The following TUBA1A variants were observed in gnomAD, a reference collection of about 807,000 sequenced individuals.
TUBA1A encodes tubulin alpha-1A chain.
In TUBA1A, 7 loss-of-function variants were observed where a neutral mutation model predicts 34.6. That is an observed-to-expected ratio of 0.20 (90% CI 0.11 to 0.38). TUBA1A has a LOEUF of 0.38. Among genes scored for constraint, TUBA1A ranks in the 10% least tolerant of loss-of-function variants. The pLI, the probability that TUBA1A is intolerant of heterozygous loss-of-function variation, is 1.00. For missense variants in TUBA1A, 19 were observed against 581.3 expected, an observed-to-expected ratio of 0.03 and a Z score of 9.95; for synonymous variants, 193 against 210.2, an observed-to-expected ratio of 0.92 and a Z score of 0.71.
Position 49,185,109 on chromosome 12 carries a change from T to G in TUBA1A, c.1257A>C (p.Ser419=). 1 of 1,614,218 alleles carries G rather than the reference T, an allele frequency of 6.2e-7. No individual in the cohort carries two copies. Residue 419 remains serine, a synonymous_variant, in exon 4 of 4, where the codon TCA becomes TCC. Coordinates refer to ENST00000301071, the MANE Select transcript of TUBA1A (RefSeq NM_006009.4). ...GGGCAGCCATGTCCTCACGGGCCTCTGAAAACTCACCTTCCTCCATCCCCT... is the reference window on the plus strand; with the variant it reads ...GGGCAGCCATGTCCTCACGGGCCTCGGAAAACTCACCTTCCTCCATCCCCT... ...VGEGMEEGEF[S]EAREDMAALE...
chr12:49,185,838 C>T lies in TUBA1A; in HGVS notation c.528G>A (p.Gln176=). Residue 176 remains glutamine, a synonymous_variant, in exon 4 of 4, where the codon CAG becomes CAA. Transcript: ENST00000301071. ...KLEFSIYPAP[Q]VSTAVVEPYN... is the part of the protein sequence containing the mutation. ...AGGGCTCAACTACAGCTGTGGAAAC[C>T]TGGGGCGCCGGGTAAATAGAGAACT... is the stretch of plus-strand genomic sequence containing the variant. The T allele has an allele frequency of 1.9e-6, 3 of 1,613,848 alleles. No individual in the cohort carries two copies. The highest frequency in any genetic ancestry group is 2.5e-6 in the Non-Finnish European group (3 of 1,180,006).
At position 49,186,555 on chromosome 12, in the gene TUBA1A, C is replaced by T. The variant is rs1942183923; in HGVS notation, c.226+56G>A. 2 of 1,612,594 alleles carry T rather than the reference C, an allele frequency of 1.2e-6. No homozygotes were observed. Among genetic ancestry groups the T allele is most frequent in the Non-Finnish European group, 8.5e-7 (1 of 1,178,770 alleles). On this transcript the variant is annotated intron_variant, in intron 2 of 3. Transcript: ENST00000301071. This position sits in a 1 kb window ranked among gnomAD's most constrained non-coding sequence, Gnocchi z 6.6. ...GAGTGACCAGCGGAGCCCCCCAGGA[C>T]AGACCTCCTGTCCCAGCACCCTGGG...
chr12:49,187,416 G>C (rs1942194318), intron 1 of TUBA1A: 1 of 989,278 alleles, frequency 1.0e-6, no homozygotes, highest in Non-Finnish European at 1.2e-6. Flanking sequence ...TTATTTAACA[G>C]AGCAAGCTCT....
chr12:49,186,373 G>C lies in TUBA1A; in HGVS notation c.312C>G (p.Ala104=), dbSNP rs747966442. 1 of 1,613,858 alleles carries C rather than the reference G, an allele frequency of 6.2e-7. No individual in the cohort carries two copies. The change falls in exon 3 of 4, where the codon GCC becomes GCG. Residue 104 remains alanine (A), a synonymous_variant. Transcript: ENST00000301071. This position sits in a 1 kb window ranked among gnomAD's most constrained non-coding sequence, Gnocchi z 6.6. ...CCTTGCCAATGGTGTAGTGCCCTCG[G>C]GCATAGTTATTGGCAGCATCTTCTT... is the stretch of plus-strand genomic sequence containing the variant. The part of the protein sequence containing the change: ...TGKEDAANNY[A]RGHYTIGKEI...
In TUBA1A at chr12:49,185,347, G is replaced by C; in HGVS notation, c.1019C>G (p.Thr340Ser). Residue 340 changes from threonine to serine, a missense_variant, in exon 4 of 4, where the codon ACC (threonine) becomes AGC (serine). Thr to Ser is a moderately conservative substitution (Grantham distance 58). This residue lies in a region of TUBA1A where 14 missense variants were observed against 565.0 expected (regional missense o/e 0.02). Transcript: ENST00000301071. ...GGGGCACCAATCCACAAACTGGATG[G>C]TACGCTTGGTCTTGATGGTGGCAAT... ...AAIATIKTKRTIQFVDWCPTG... is the reference protein window; with the variant it reads ...AAIATIKTKRSIQFVDWCPTG... 1 of 1,614,200 alleles carries C rather than the reference G, an allele frequency of 6.2e-7. No homozygotes were observed. Among genetic ancestry groups the C allele is most frequent in the Non-Finnish European group, 8.5e-7 (1 of 1,180,040 alleles).
intron 1 of TUBA1A, chr12:49,187,908 G>A (rs1166198829): frequency 8.1e-6 from 8 of 983,244 alleles, no homozygotes; most frequent in African/African-American, 5.3e-5. Context: ...TGGTGGGGGC[G>A]GGGCGGGGGG....
chr12:49,187,388 C>T (rs1942193878), intron 1 of TUBA1A: 1 of 1,005,170 alleles, frequency 9.9e-7, no homozygotes, highest in Non-Finnish European at 1.2e-6. Flanking sequence ...CTGGTGCTAG[C>T]CTGTACTGTC....
chr12:49,186,518 G>A lies in TUBA1A; in HGVS notation c.227-60C>T. ...GAGGAGGAGGGACGAGGAGCGGGGAGGGAGAGTGGGTGAGTGACCAGCGGA... is the reference window on the plus strand; with the variant it reads ...GAGGAGGAGGGACGAGGAGCGGGGAAGGAGAGTGGGTGAGTGACCAGCGGA... On this transcript the variant is annotated intron_variant, in intron 2 of 3. Coordinates refer to ENST00000301071, the MANE Select transcript of TUBA1A (RefSeq NM_006009.4). The surrounding 1 kb of genome is among the most constrained non-coding windows in gnomAD (Gnocchi z 6.6). 6.2e-7 allele frequency: 1 copy of A among 1,612,856 alleles called. No homozygotes were observed. The highest frequency in any genetic ancestry group is 8.5e-7 in the Non-Finnish European group (1 of 1,179,012).
chr12:49,186,771 C>T lies in TUBA1A; in HGVS notation c.66G>A (p.Glu22=), dbSNP rs375516850. 5.0e-6 allele frequency: 8 copies of T among 1,614,072 alleles called. No homozygotes were observed. Among genetic ancestry groups the T allele is most frequent in the African/African-American group, 1.3e-5 (1 of 74,920 alleles). The change falls in exon 2 of 4, where the codon GAG becomes GAA. Residue 22 remains glutamate, a synonymous_variant. Transcript: ENST00000301071. The surrounding 1 kb of genome is among the most constrained non-coding windows in gnomAD (Gnocchi z 6.6). ...GGATGCCGTGTTCCAGGCAGTAGAG[C>T]TCCCAGCAGGCATTGCCAATCTGGA... ...AGVQIGNACW[E]LYCLEHGIQP...
At position 49,188,255 on chromosome 12, in the gene TUBA1A, A is replaced by G. The variant is rs1206519514; in HGVS notation, c.3+722T>C. 1 of 984,358 alleles carries G rather than the reference A, an allele frequency of 1.0e-6. No individual in the cohort carries two copies. Among genetic ancestry groups the G allele is most frequent in the Non-Finnish European group, 1.2e-6 (1 of 829,144 alleles). 61.0% of individuals were successfully genotyped at this position (984,358 alleles called of 1,614,324 possible). A position where few individuals can be genotyped will look rare whatever the true frequency, so the allele number is the denominator to read the frequency against. On this transcript the variant is annotated intron_variant, in intron 1 of 3. Coordinates refer to ENST00000301071, the MANE Select transcript of TUBA1A (RefSeq NM_006009.4). The surrounding 1 kb of genome is among the most constrained non-coding windows in gnomAD (Gnocchi z 4.9). The stretch of plus-strand genomic sequence containing the variant: ...TTTTGGAGCCTACAGTTCCGCAATG[A>G]TGAAAGGTTTTTTTGTTTTTTTTTC...
In TUBA1A at chr12:49,188,262, G is replaced by T. The variant is rs1267235109; in HGVS notation, c.3+715C>A. 3.1e-6 allele frequency: 3 copies of T among 982,570 alleles called. No homozygotes were observed. Among genetic ancestry groups the T allele is most frequent in the Admixed American group, 6.2e-5 (1 of 16,224 alleles). The allele number at this position is 982,570 out of a possible 1,614,324, so 60.9% of individuals were successfully genotyped here. A position where few individuals can be genotyped will look rare whatever the true frequency, so the allele number is the denominator to read the frequency against. Reference sequence around the variant, plus strand: ...GCCTACAGTTCCGCAATGATGAAAGGTTTTTTTGTTTTTTTTTCAGTCAGC... The same window carrying T: ...GCCTACAGTTCCGCAATGATGAAAGTTTTTTTTGTTTTTTTTTCAGTCAGC... On this transcript the variant is annotated intron_variant, in intron 1 of 3. Transcript: ENST00000301071. The surrounding 1 kb of genome is among the most constrained non-coding windows in gnomAD (Gnocchi z 4.9).
rs772809398 is a variant in TUBA1A at position 49,185,136 on chromosome 12, C to A, written c.1230G>T (p.Gly410=). The change falls in exon 4 of 4, where the codon GGG becomes GGT. Residue 410 remains glycine (G), a synonymous_variant. Coordinates refer to ENST00000301071, the MANE Select transcript of TUBA1A (RefSeq NM_006009.4). The part of the protein sequence containing the change: ...AKRAFVHWYV[G]EGMEEGEFSE... Reference sequence around the variant, plus strand: ...AAAACTCACCTTCCTCCATCCCCTCCCCAACGTACCAGTGAACAAAGGCAC... The same window carrying A: ...AAAACTCACCTTCCTCCATCCCCTCACCAACGTACCAGTGAACAAAGGCAC... The A allele has an allele frequency of 9.9e-6, 16 of 1,614,224 alleles. No homozygotes were observed. The highest frequency in any genetic ancestry group is 6.7e-5 in the Admixed American group (4 of 60,016).
At chr12:49,187,184 T>G (rs1942191817) in intron 1 of TUBA1A, 3 of 1,165,732 alleles carry the variant, frequency 2.6e-6, no homozygotes, top group African/African-American at 3.2e-5. Flanking sequence ...TGGGATTAAT[T>G]TTACTGCTTT....
rs1592261307 is a variant in TUBA1A at position 49,188,362 on chromosome 12, C to T, written c.3+615G>A. On this transcript the variant is annotated intron_variant, in intron 1 of 3. Transcript: ENST00000301071. This position sits in a 1 kb window ranked among gnomAD's most constrained non-coding sequence, Gnocchi z 4.9. ...CGCCATAGAAGCCAGAAACAAACAA[C>T]CCCGCCCCTGCGCCGCCCTGACACC... 6.5e-7 allele frequency: 1 copy of T among 1,534,454 alleles called. No individual in the cohort carries two copies. Among genetic ancestry groups the T allele is most frequent in the Non-Finnish European group, 8.7e-7 (1 of 1,145,856 alleles).
At position 49,185,679 on chromosome 12, in the gene TUBA1A, C is replaced by T. The variant is rs756428949; in HGVS notation, c.687G>A (p.Arg229=). 2.5e-6 allele frequency: 4 copies of T among 1,613,992 alleles called. No individual in the cohort carries two copies. The highest frequency in any genetic ancestry group is 2.2e-5 in the East Asian group (1 of 44,886). ...TGGAGGACACAATTTGACCTATTAA[C>T]CTATTCAGGTTAGTATAGGTTGGAC... The part of the protein sequence containing the change: ...IERPTYTNLN[R]LIGQIVSSIT... Residue 229 remains arginine, a synonymous_variant, in exon 4 of 4, where the codon AGG becomes AGA. Coordinates refer to ENST00000301071, the MANE Select transcript of TUBA1A (RefSeq NM_006009.4).
At position 49,188,558 on chromosome 12, in the gene TUBA1A, G is replaced by A; in HGVS notation, c.3+419C>T. Reference sequence around the variant, plus strand: ...TCGCCCAACGCCCCCGCTCTTTTTGGGTGCCTCCTCCTCTCCCGGTCCCCA... The same window carrying A: ...TCGCCCAACGCCCCCGCTCTTTTTGAGTGCCTCCTCCTCTCCCGGTCCCCA... On this transcript the variant is annotated intron_variant, in intron 1 of 3. Coordinates refer to ENST00000301071, the MANE Select transcript of TUBA1A (RefSeq NM_006009.4). The surrounding 1 kb of genome is among the most constrained non-coding windows in gnomAD (Gnocchi z 4.9). 1 of 1,488,036 alleles carries A rather than the reference G, an allele frequency of 6.7e-7. No homozygotes were observed. The highest frequency in any genetic ancestry group is 8.9e-7 in the Non-Finnish European group (1 of 1,119,784). The allele number at this position is 1,488,036 out of a possible 1,614,324, so 92.2% of individuals were successfully genotyped here.
rs951104145 is a variant in TUBA1A at position 49,188,433 on chromosome 12, T to C, written c.3+544A>G. 2 of 1,535,658 alleles carry C rather than the reference T, an allele frequency of 1.3e-6. No individual in the cohort carries two copies. Among genetic ancestry groups the C allele is most frequent in the Non-Finnish European group, 1.7e-6 (2 of 1,146,720 alleles). On this transcript the variant is annotated intron_variant, in intron 1 of 3. Transcript: ENST00000301071. This position sits in a 1 kb window ranked among gnomAD's most constrained non-coding sequence, Gnocchi z 4.9. ...GAAACTCACCATGTTTTCCCGGGAATGTGTGGGTATCTTTCCAAAACGCCA... is the reference window on the plus strand; with the variant it reads ...GAAACTCACCATGTTTTCCCGGGAACGTGTGGGTATCTTTCCAAAACGCCA...
In TUBA1A at chr12:49,188,608, G is replaced by A; in HGVS notation, c.3+369C>T. The A allele has an allele frequency of 1.4e-6, 2 of 1,445,002 alleles. No homozygotes were observed. The allele number at this position is 1,445,002 out of a possible 1,614,324, so 89.5% of individuals were successfully genotyped here. ...AGAGAACAACGCGAGACAGAAAGTG[G>A]CCCCTCAGCATCAGCGAAACCGTGC... On this transcript the variant is annotated intron_variant, in intron 1 of 3. Coordinates refer to ENST00000301071, the MANE Select transcript of TUBA1A (RefSeq NM_006009.4). This position sits in a 1 kb window ranked among gnomAD's most constrained non-coding sequence, Gnocchi z 4.9.
rs1942177868 is a variant in TUBA1A at position 49,186,146 on chromosome 12, A to G, written c.376-156T>C. ...AATTCTCATTAACATTTACAAAATG[A>G]CATCAAATAGTTCATTTTAACTGAA... On this transcript the variant is annotated intron_variant, in intron 3 of 3. Transcript: ENST00000301071. This position sits in a 1 kb window ranked among gnomAD's most constrained non-coding sequence, Gnocchi z 6.6. 3.3e-6 allele frequency: 5 copies of G among 1,529,048 alleles called. No homozygotes were observed. The Admixed American group carries it at 8.5e-5, about 26-fold the overall frequency. The allele number at this position is 1,529,048 out of a possible 1,614,324, so 94.7% of individuals were successfully genotyped here. A position where few individuals can be genotyped will look rare whatever the true frequency, so the allele number is the denominator to read the frequency against.
Sources: gnomAD v4.1 joint callset for allele counts on GRCh38, gnomAD v4.1.1 for gene constraint, gnomAD v4.1.1 regional missense constraint, Gnocchi (gnomAD v3.1) non-coding constraint, MANE v1.5 for transcripts, NCBI Gene and HGNC (gene_info 2026-07-23, HGNC 2026-07-21) for gene names.